The following CHD7 variants were observed in gnomAD, a reference collection of about 807,000 sequenced individuals.
CHD7 encodes the protein ATP-dependent chromatin remodeler CHD7.
Under a neutral mutation model 307.3 loss-of-function variants are expected in CHD7, and 24 were observed. The ratio of observed to expected loss-of-function variants is 0.08; its 90% CI spans 0.06 to 0.11. The LOEUF is 0.11. CHD7 is among the 10% of genes least tolerant of loss of function. CHD7 has a pLI of 1.00. For missense variants in CHD7, 3,106 were observed against 3,727.1 expected, an observed-to-expected ratio of 0.83 and a Z score of 4.34; for synonymous variants, 1,363 against 1,349.9, an observed-to-expected ratio of 1.01 and a Z score of -0.21.
intron 1 of CHD7, among the ~76,000 whole-genome samples, chr8:60,731,466 A>G (rs527999061): frequency 5.9e-5 from 9 of 152,292 alleles, no homozygotes; most frequent in African/African-American, 1.2e-4. Context: ...ACTGACGGCA[A>G]TGGGGTTTGG....
intron 2 of CHD7, among the ~76,000 whole-genome samples, chr8:60,745,497 G>A (rs1809277785): frequency 7.5e-6 from 1 of 132,642 alleles, no homozygotes; most frequent in Non-Finnish European, 1.7e-5. Flanking sequence ...CTTCAGGAGA[G>A]CCCACATGCA....
intron 1 of CHD7, among the ~76,000 whole-genome samples, chr8:60,729,527 A>G (rs751854025): frequency 1.3e-5 from 2 of 152,126 alleles, no homozygotes; most frequent in Non-Finnish European, 2.9e-5. Flanking sequence ...CCTTATCTGG[A>G]TCATAATTTT....
chr8:60,683,947 A>G (rs1805754067), intron 1 of CHD7, among the ~76,000 whole-genome samples: 1 of 152,012 alleles, frequency 6.6e-6, no homozygotes, highest in Non-Finnish European at 1.5e-5. Flanking sequence ...TTTAGGAAAA[A>G]TGCAGAGATA....
chr8:60,780,153 A>G (rs1470304811), intron 2 of CHD7, among the ~76,000 whole-genome samples: 1 of 152,218 alleles, frequency 6.6e-6, no homozygotes, highest in African/African-American at 2.4e-5. Context: ...GTGAGCTATG[A>G]GGGAGGCTGT....
At chr8:60,777,201 A>G (rs1810992568) in intron 2 of CHD7, among the ~76,000 whole-genome samples, 1 of 152,206 alleles carries the variant, frequency 6.6e-6, no homozygotes, top group African/African-American at 2.4e-5. Context: ...TTTTGATTTT[A>G]GACTTGTTTG....
intron 1 of CHD7, among the ~76,000 whole-genome samples, chr8:60,722,213 T>A (rs1195540851): frequency 6.6e-6 from 1 of 152,186 alleles, no homozygotes; most frequent in African/African-American, 2.4e-5. Context: ...TATTACAGTA[T>A]CTGTGGCTCC....
At chr8:60,822,425 G>C (rs1804088286) in intron 11 of CHD7, 78 bp from the exon 12 acceptor site, 7 of 1,383,464 alleles carry the variant, frequency 5.1e-6, no homozygotes, top group Non-Finnish European at 3.0e-6. Context: ...TGGGTACAAT[G>C]GTATATATTT....
At chr8:60,767,494 A>G (rs1037402151) in intron 2 of CHD7, among the ~76,000 whole-genome samples, 1 of 152,190 alleles carries the variant, frequency 6.6e-6, no homozygotes, top group South Asian at 2.1e-4. Context: ...TCTGTGTTAG[A>G]GTGACTGAAA....
intron 13 of CHD7, among the ~76,000 whole-genome samples, chr8:60,827,262 G>T (rs371129541): frequency 6.8e-6 from 1 of 146,578 alleles, no homozygotes; most frequent in Non-Finnish European, 1.5e-5. Flanking sequence ...AAAAAAAAAA[G>T]AAAGGAGTTC....
rs150156384 is a variant in CHD7 at position 60,832,535 on chromosome 8, C to T, written c.3778+1958C>T. On this transcript the variant is annotated intron_variant, in intron 15 of 37. Transcript: ENST00000423902. Reference sequence around the variant, plus strand: ...AGATGAGGACACGTGTGTGCATGCACTGTGCACATACATGTGTTTGCATTT... The same window carrying T: ...AGATGAGGACACGTGTGTGCATGCATTGTGCACATACATGTGTTTGCATTT... Among the ~76,000 whole-genome samples, 463 of 152,204 alleles carry T rather than the reference C, an allele frequency of 3.0e-3. 1 individual carries two copies. The highest frequency in any genetic ancestry group is 0.011 in the African/African-American group (450 of 41,526).
chr8:60,716,520 G>A (rs184031457), intron 1 of CHD7, among the ~76,000 whole-genome samples: 1 of 152,274 alleles, frequency 6.6e-6, no homozygotes, highest in East Asian at 1.9e-4. Flanking sequence ...AGGGCCTGCT[G>A]GGCTGACTCC....
rs899753639 is a variant in CHD7, at chr8:60,867,466, C to T, written c.*1533C>T. The T allele has an allele frequency of 6.6e-6, 1 of 152,228 alleles. No homozygotes were observed. The allele number at this position is 152,228 out of a possible 1,614,324, so 9.4% of individuals were successfully genotyped here. ...TCTCAGGAGCTACTGATTTGTGGACCCCTTTTTGACCTTTGGTATTTAAAG... is the reference window on the plus strand; with the variant it reads ...TCTCAGGAGCTACTGATTTGTGGACTCCTTTTTGACCTTTGGTATTTAAAG... On this transcript the variant is annotated 3_prime_UTR_variant, in exon 38 of 38. Transcript: ENST00000423902.
rs569255805 is a variant in CHD7 at position 60,830,378 on chromosome 8, T to C, written c.3579T>C (p.Asp1193=). ...TGATGTTGAGACGTCTCAAAGAGGATGTAGAAAAGAACTTGGCCCCCAAAG... is the reference window on the plus strand; with the variant it reads ...TGATGTTGAGACGTCTCAAAGAGGACGTAGAAAAGAACTTGGCCCCCAAAG... ...KPMMLRRLKE[D]VEKNLAPKEE... is the part of the protein sequence containing the mutation. Residue 1193 remains aspartate (D), a synonymous_variant, in exon 15 of 38, where the codon GAT becomes GAC. Transcript: ENST00000423902. The C allele has an allele frequency of 6.2e-7, 1 of 1,613,916 alleles. No homozygotes were observed. Among genetic ancestry groups the C allele is most frequent in the East Asian group, 2.2e-5 (1 of 44,878 alleles).
chr8:60,842,102 G>C, intron 21 of CHD7, 50 bp downstream of exon 21: 3 of 1,455,092 alleles, frequency 2.1e-6, no homozygotes, highest in Non-Finnish European at 2.8e-6. Flanking sequence ...ACAGTAGTTA[G>C]AATTCCCAAC....
At chr8:60,752,334 G>A (rs1809680416) in intron 2 of CHD7, among the ~76,000 whole-genome samples, 1 of 152,146 alleles carries the variant, frequency 6.6e-6, no homozygotes, top group African/African-American at 2.4e-5. Context: ...TTTTCGAATG[G>A]CAAGTGTTCT....
chr8:60,735,907 G>A lies in CHD7; in HGVS notation c.-174-5352G>A, dbSNP rs530924812. On this transcript the variant is annotated intron_variant, in intron 1 of 37. Coordinates refer to ENST00000423902, the MANE Select transcript of CHD7 (RefSeq NM_017780.4). ...TTGAGCACTTGAATGTGGCTTGTGC[G>A]ACTAAGGAACTGAATTTTAAGTTTT... Among the ~76,000 whole-genome samples, 20 of 152,318 alleles carry A rather than the reference G, an allele frequency of 1.3e-4. No individual in the cohort carries two copies. In the South Asian group the frequency reaches 3.9e-3, roughly 30 times the overall value.
intron 21 of CHD7, among the ~76,000 whole-genome samples, chr8:60,844,480 CT>C (rs1184262842): frequency 2.0e-5 from 3 of 152,120 alleles, no homozygotes; most frequent in Admixed American, 6.5e-5. Flanking sequence ...CTTGAGTTGC[CT>C]TTTGTCTCAG....
intron 2 of CHD7, among the ~76,000 whole-genome samples, chr8:60,762,811 T>C (rs1040463769): frequency 2.0e-5 from 3 of 152,096 alleles, no homozygotes; most frequent in African/African-American, 7.2e-5. Context: ...GCTTGTTGAA[T>C]GTGTGATATG....
At chr8:60,843,847 AGT>A (rs1308417648) in intron 21 of CHD7, among the ~76,000 whole-genome samples, 1 of 152,218 alleles carries the variant, frequency 6.6e-6, no homozygotes, top group Non-Finnish European at 1.5e-5. Context: ...CAGATAGAGC[AGT>A]GTGTTCCAAG....
Sources: allele counts gnomAD v4.1 joint callset (sites outside exome capture counted in the v4.1 genomes callset), GRCh38; gene constraint gnomAD v4.1.1; transcripts MANE v1.5; gene names NCBI Gene and HGNC (gene_info 2026-07-23, HGNC 2026-07-21).